TRIM34: variants seen among roughly 807,000 people sequenced by gnomAD.
TRIM34 encodes the protein tripartite motif containing 34.
TRIM34 carries 41 observed loss-of-function variants against 38.1 expected under a neutral mutation model. The observed-to-expected ratio is 1.08, with a 90% confidence interval of 0.84 to 1.40. TRIM34 has a LOEUF of 1.40. TRIM34 is among the 40% of genes most tolerant of loss of function. The pLI is 0.00. For missense variants in TRIM34, 556 were observed against 571.4 expected (o/e 0.97, Z 0.27); for synonymous variants, 200 against 202.5 (o/e 0.99, Z 0.10).
At chr11:5,642,288 A>G in intron 5 of TRIM34, 118 bp from the exon 6 acceptor site, 2 of 820,728 alleles carry the variant, frequency 2.4e-6, no homozygotes, top group South Asian at 4.4e-5. Flanking sequence ...CCCCCTCCTC[A>G]GGCTCAGGGA....
chr11:5,620,389 G>A (rs7124421), upstream of TRIM34, among the ~76,000 whole-genome samples: 8,314 of 151,468 alleles, frequency 0.055, 671 homozygotes, highest in African/African-American at 0.18. Context: ...ATGTTGGCCA[G>A]ATTGGTCTCG....
chr11:5,634,829 C>G lies in TRIM34; in HGVS notation c.718C>G (p.Arg240Gly). The change falls in exon 4 of 8, where the codon CGG (arginine) becomes GGG (glycine). Residue 240 changes from arginine (R) to glycine (G), a missense_variant. Coordinates refer to ENST00000429814, the MANE Select transcript of TRIM34 (RefSeq NM_021616.6). ...AGAGCTCATCTCAGATGTGGAGTGT[C>G]GGAGTCAGTGGTCAACAATGGAGCT... ...VRELISDVEC[R>G]SQWSTMELLQ... 6.2e-7 allele frequency: 1 copy of G among 1,613,098 alleles called. No individual in the cohort carries two copies.
At chr11:5,642,747 A>T in intron 6 of TRIM34, 70 bp from the exon 7 acceptor site, 1 of 1,596,604 alleles carries the variant, frequency 6.3e-7, no homozygotes, top group Non-Finnish European at 8.5e-7. Context: ...CCCTACTCTA[A>T]AGAATATATA....
At chr11:5,643,080 T>A (rs551729741) in intron 7 of TRIM34, 64 bp from the exon 8 acceptor site, 2 of 1,276,286 alleles carry the variant, frequency 1.6e-6, no homozygotes, top group East Asian at 5.3e-5. Flanking sequence ...TGTCACCTAA[T>A]CATATATATC....
intron 4 of TRIM34, 138 bp downstream of exon 4, chr11:5,634,999 C>G (rs1849672231): frequency 6.2e-6 from 5 of 811,476 alleles, no homozygotes; most frequent in Non-Finnish European, 9.2e-6. Context: ...ATGTCATGGA[C>G]ATGAATGACA....
At chr11:5,627,206 A>C (rs1849284140) in intron 1 of TRIM34, among the ~76,000 whole-genome samples, 1 of 151,604 alleles carries the variant, frequency 6.6e-6, no homozygotes, top group Admixed American at 6.6e-5. Context: ...ACATGGTGAA[A>C]CTCTCTCTAC....
At chr11:5,621,548 A>G (rs547560746), upstream of TRIM34, among the ~76,000 whole-genome samples, 124 of 152,380 alleles carry the variant, frequency 8.1e-4, no homozygotes, top group Non-Finnish European at 1.5e-3. Flanking sequence ...GTGAGGCACC[A>G]GAAGAATGCC....
intron 4 of TRIM34, among the ~76,000 whole-genome samples, chr11:5,639,652 C>G (rs554721715): frequency 8.3e-6 from 1 of 119,848 alleles, no homozygotes; most frequent in Admixed American, 1.1e-4. Context: ...TGCACTCCAG[C>G]CTGGGTGACA....
At chr11:5,634,979 T>C (rs1849671157) in intron 4 of TRIM34, 118 bp downstream of exon 4, 1 of 1,052,888 alleles carries the variant, frequency 9.5e-7, no homozygotes, top group Non-Finnish European at 1.3e-6. Flanking sequence ...CGCCTTGTCG[T>C]CCATTCTAGA....
upstream of TRIM34, among the ~76,000 whole-genome samples, chr11:5,622,431 C>A (rs572899130): frequency 7.0e-6 from 1 of 142,866 alleles, no homozygotes; most frequent in African/African-American, 2.6e-5. Flanking sequence ...GGCGACAGAG[C>A]GAGACTACCT....
chr11:5,640,834 G>A (rs891415612), intron 4 of TRIM34, among the ~76,000 whole-genome samples: 2 of 151,958 alleles, frequency 1.3e-5, no homozygotes, highest in African/African-American at 4.8e-5. Context: ...CATGTTTTAG[G>A]CCTATTCATA....
At chr11:5,636,896 C>A (rs1048610164) in intron 4 of TRIM34, among the ~76,000 whole-genome samples, 4 of 152,128 alleles carry the variant, frequency 2.6e-5, no homozygotes, top group Admixed American at 2.0e-4. Context: ...CCTGTAATCC[C>A]AGCACTTTGG....
intron 4 of TRIM34, among the ~76,000 whole-genome samples, chr11:5,640,411 A>G (rs957449148): frequency 6.6e-6 from 1 of 151,222 alleles, no homozygotes; most frequent in Non-Finnish European, 1.5e-5. Flanking sequence ...TTCATCCTTT[A>G]TTTTATTAAT....
At chr11:5,624,383 AC>A (rs1849113802), upstream of TRIM34, among the ~76,000 whole-genome samples, 1 of 152,194 alleles carries the variant, frequency 6.6e-6, no homozygotes, top group South Asian at 2.1e-4. Flanking sequence ...TTTGTAGCCA[AC>A]TTTTCTCAGC....
intron 1 of TRIM34, among the ~76,000 whole-genome samples, chr11:5,625,843 T>C (rs1849193727): frequency 6.6e-6 from 1 of 152,238 alleles, no homozygotes. Flanking sequence ...AGACACACCT[T>C]GGCATTGATT....
Position 5,631,228 on chromosome 11 carries a change from C to A in TRIM34, c.-77-1027C>A, listed in dbSNP as rs191477657. ...ATCCTACCATCTACAAACACAAGAC[C>A]CCCCCAGAAATTCCCAACTTATGTG... is the stretch of plus-strand genomic sequence containing the variant. On this transcript the variant is annotated intron_variant, in intron 1 of 7. Transcript: ENST00000429814. Among the ~76,000 whole-genome samples, 5 of 152,134 alleles carry A rather than the reference C, an allele frequency of 3.3e-5. 1 individual carries two copies.
In TRIM34 at chr11:5,631,282, C is replaced by A. The variant is rs561478407; in HGVS notation, c.-77-973C>A. 2.2e-3 allele frequency among the ~76,000 whole-genome samples: 330 copies of A among 152,260 alleles called. 1 individual carries two copies. Among genetic ancestry groups the A allele is most frequent in the Non-Finnish European group, 4.2e-3 (283 of 68,016 alleles). ...TCCTCCATTTCTACACTCTCATAAC[C>A]CTGGATCCCAATCTACTTCTTTCAG... is the stretch of plus-strand genomic sequence containing the variant. On this transcript the variant is annotated intron_variant, in intron 1 of 7. Coordinates refer to ENST00000429814, the MANE Select transcript of TRIM34 (RefSeq NM_021616.6).
chr11:5,643,125 A>ATATATATATATAT lies in TRIM34; in HGVS notation c.902-18_902-17insATATATATATATT. The ATATATATATATAT allele has an allele frequency of 1.0e-6, 1 of 974,258 alleles. No individual in the cohort carries two copies. The highest frequency in any genetic ancestry group is 3.1e-5 in the South Asian group (1 of 32,162). 60.4% of individuals were successfully genotyped at this position (974,258 alleles called of 1,614,324 possible). A position where few individuals can be genotyped will look rare whatever the true frequency, so the allele number is the denominator to read the frequency against. On this transcript the variant is annotated intron_variant, in intron 7 of 7. Coordinates refer to ENST00000429814, the MANE Select transcript of TRIM34 (RefSeq NM_021616.6). ...ATTATATTCATATACATATATATAT[A>ATATATATATATAT]TTTTTTTTTTTCTTGCAGTGGATGT... is the stretch of plus-strand genomic sequence containing the variant.
intron 2 of TRIM34, among the ~76,000 whole-genome samples, chr11:5,633,374 G>T (rs938294663): frequency 2.0e-5 from 3 of 151,962 alleles, no homozygotes; most frequent in Non-Finnish European, 4.4e-5. Flanking sequence ...GATGATCCTA[G>T]AGTACAGTCT....
Sources: gnomAD v4.1 joint callset for allele counts (sites outside exome capture counted in the v4.1 genomes callset) on GRCh38, gnomAD v4.1.1 for gene constraint, MANE v1.5 for transcripts, NCBI Gene and HGNC (gene_info 2026-07-23, HGNC 2026-07-21) for gene names.